Variants in SYN3 observed in about 807,000 individuals in gnomAD.
SYN3 encodes synapsin III.
A neutral mutation model predicts 65.8 loss-of-function variants in SYN3; 35 were observed. That is an observed-to-expected ratio of 0.53 (90% CI 0.41 to 0.70). SYN3 has a LOEUF of 0.70. Ranked by LOEUF, SYN3 falls within the 30% of genes least tolerant of loss-of-function variation. The probability of loss-of-function intolerance (pLI) is 0.00; values close to 1 mark genes in which losing one functional copy is unlikely to be tolerated. For synonymous variants in SYN3, 270 were observed against 292.9 expected, an observed-to-expected ratio of 0.92 and a Z score of 0.80; for missense variants, 680 against 749.0, an observed-to-expected ratio of 0.91 and a Z score of 1.08.
At chr22:32,546,327 T>C (rs897356053) in intron 7 of SYN3, among the ~76,000 whole-genome samples, 1 of 152,280 alleles carries the variant, frequency 6.6e-6, no homozygotes, top group South Asian at 2.1e-4. Flanking sequence ...GCTTATAATT[T>C]GGGAGGGGGG....
chr22:32,605,250 C>T (rs2059356455), intron 6 of SYN3, among the ~76,000 whole-genome samples: 1 of 151,908 alleles, frequency 6.6e-6, no homozygotes, highest in Non-Finnish European at 1.5e-5. Context: ...TGTGGTGATT[C>T]GAGTGGAAGG....
intron 4 of SYN3, among the ~76,000 whole-genome samples, chr22:32,870,179 T>G (rs2146353710): frequency 6.6e-6 from 1 of 152,300 alleles, no homozygotes; most frequent in South Asian, 2.1e-4. Flanking sequence ...AAAAATTCCT[T>G]GGCATGTACA....
At chr22:32,847,089 C>T (rs911945101) in intron 6 of SYN3, among the ~76,000 whole-genome samples, 4 of 152,186 alleles carry the variant, frequency 2.6e-5, no homozygotes, top group East Asian at 1.9e-4. Flanking sequence ...CCACACCCCC[C>T]GGCCAAGACT....
intron 7 of SYN3, among the ~76,000 whole-genome samples, chr22:32,561,565 G>A (rs1228742838): frequency 1.3e-5 from 2 of 152,162 alleles, no homozygotes; most frequent in Non-Finnish European, 2.9e-5. Flanking sequence ...GATAATGGGG[G>A]CATCTCTTAT....
chr22:32,952,330 G>A (rs778812953), intron 3 of SYN3, among the ~76,000 whole-genome samples: 12 of 151,256 alleles, frequency 7.9e-5, no homozygotes, highest in African/African-American at 2.9e-4. Flanking sequence ...GCAGGGTGGG[G>A]AGGGATAAAC....
At chr22:32,869,690 G>GT (rs748620876) in intron 4 of SYN3, among the ~76,000 whole-genome samples, 17,334 of 113,944 alleles carry the variant, frequency 0.15, 1,675 homozygotes, top group East Asian at 0.42. Context: ...ACACATCTTG[G>GT]TTTTTTTTTT....
At chr22:32,750,457 T>C (rs1043759394) in intron 6 of SYN3, among the ~76,000 whole-genome samples, 1 of 152,140 alleles carries the variant, frequency 6.6e-6, no homozygotes, top group Non-Finnish European at 1.5e-5. Context: ...AAACCCCTTC[T>C]GCATCATGGG....
intron 6 of SYN3, among the ~76,000 whole-genome samples, chr22:32,716,296 T>C (rs986771073): frequency 6.6e-6 from 1 of 152,114 alleles, no homozygotes; most frequent in Non-Finnish European, 1.5e-5. Context: ...TCTCTGTGTA[T>C]GTGTGCCTGT....
At chr22:32,516,699 T>C (rs925485623) in intron 13 of SYN3, among the ~76,000 whole-genome samples, 5 of 152,210 alleles carry the variant, frequency 3.3e-5, no homozygotes, top group Non-Finnish European at 1.5e-5. Context: ...TATGTGAATA[T>C]ATTACCTATT....
intron 6 of SYN3, among the ~76,000 whole-genome samples, chr22:32,755,725 G>C (rs1458217207): frequency 1.3e-5 from 2 of 152,092 alleles, no homozygotes; most frequent in African/African-American, 4.8e-5. Flanking sequence ...CATCTACCAT[G>C]GTGGCCCCAG....
chr22:32,568,188 C>G (rs570347557), intron 7 of SYN3, among the ~76,000 whole-genome samples: 1 of 152,274 alleles, frequency 6.6e-6, no homozygotes, highest in Admixed American at 6.5e-5. Flanking sequence ...CTCCCTGTAC[C>G]TTTGCTCTTG....
chr22:32,832,175 C>T (rs2047592567), intron 6 of SYN3, among the ~76,000 whole-genome samples: 1 of 152,196 alleles, frequency 6.6e-6, no homozygotes, highest in South Asian at 2.1e-4. Flanking sequence ...CTAGAAGAGG[C>T]AGCTGAAGCA....
At position 33,028,640 on chromosome 22, in the gene SYN3, A is replaced by ATGG. The variant is rs1474384218; in HGVS notation, c.-162-21817_-162-21816insCCA. On this transcript the variant is annotated intron_variant, in intron 1 of 13. Coordinates refer to ENST00000358763, the MANE Select transcript of SYN3 (RefSeq NM_003490.4). The stretch of plus-strand genomic sequence containing the variant: ...CCCACTAGGAAGTATAATAAGAACC[A>ATGG]TGATGGTGGTGGTGGTGGTGGTGGT... Among the ~76,000 whole-genome samples the ATGG allele has an allele frequency of 8.7e-5, 7 of 80,918 alleles. No homozygotes were observed. In the East Asian group the frequency reaches 3.8e-3, roughly 44 times the overall value. The allele number at this position is 80,918 out of a possible 152,430, so 53.1% of individuals were successfully genotyped here.
intron 4 of SYN3, among the ~76,000 whole-genome samples, chr22:32,889,329 G>T (rs967138722): frequency 6.6e-6 from 1 of 152,018 alleles, no homozygotes; most frequent in Non-Finnish European, 1.5e-5. Context: ...CTTGCTTCAG[G>T]GGGGCTTTGG....
At chr22:32,793,134 A>C (rs2046357959) in intron 6 of SYN3, among the ~76,000 whole-genome samples, 1 of 152,202 alleles carries the variant, frequency 6.6e-6, no homozygotes, top group African/African-American at 2.4e-5. Flanking sequence ...TCATCTTAGA[A>C]ACATTTTTCA....
At chr22:32,516,621 C>T (rs1203972876) in intron 13 of SYN3, among the ~76,000 whole-genome samples, 3 of 152,206 alleles carry the variant, frequency 2.0e-5, no homozygotes, top group Non-Finnish European at 4.4e-5. Flanking sequence ...CCACCTTGGC[C>T]TCCCAAAGTG....
intron 6 of SYN3, among the ~76,000 whole-genome samples, chr22:32,761,963 C>T (rs2045493487): frequency 6.6e-6 from 1 of 152,172 alleles, no homozygotes. Context: ...GACTCAGATG[C>T]TGGAGTGAGG....
chr22:32,630,766 G>T (rs1198852289), intron 6 of SYN3, among the ~76,000 whole-genome samples: 1 of 152,144 alleles, frequency 6.6e-6, no homozygotes, highest in Non-Finnish European at 1.5e-5. Flanking sequence ...TGCTTCAGTG[G>T]GTGTTCACTG....
At chr22:32,853,859 G>A (rs1466719999) in intron 6 of SYN3, among the ~76,000 whole-genome samples, 1 of 152,212 alleles carries the variant, frequency 6.6e-6, no homozygotes, top group Non-Finnish European at 1.5e-5. Context: ...TGAAGAAACT[G>A]AGACCCAAAG....
Sources: allele counts gnomAD v4.1 joint callset (sites outside exome capture counted in the v4.1 genomes callset), GRCh38; gene constraint gnomAD v4.1.1; transcripts MANE v1.5; gene names NCBI Gene and HGNC (gene_info 2026-07-23, HGNC 2026-07-21).